ZBTB41: variants seen among roughly 807,000 people sequenced by gnomAD.
ZBTB41 encodes the protein zinc finger and BTB domain-containing protein 41.
Under a neutral mutation model 87.6 loss-of-function variants are expected in ZBTB41, and 42 were observed. That is an observed-to-expected ratio of 0.48 (90% confidence interval 0.37 to 0.62). ZBTB41 has a LOEUF of 0.62. Ranked by LOEUF, ZBTB41 falls within the 20% of genes least tolerant of loss-of-function variation. ZBTB41 has a pLI of 0.00. For missense variants in ZBTB41, 799 were observed against 1,078.9 expected (o/e 0.74, Z 3.63); for synonymous variants, 364 against 364.0 (o/e 1.00, Z 0.00).
chr1:197,177,586 T>TCC (rs1457393153), intron 7 of ZBTB41, among the ~76,000 whole-genome samples: 1 of 152,130 alleles, frequency 6.6e-6, no homozygotes, highest in Non-Finnish European at 1.5e-5. Flanking sequence ...AAATTACATC[T>TCC]TACTGCTTTT....
chr1:197,174,557 C>A (rs1383302148), intron 9 of ZBTB41, among the ~76,000 whole-genome samples: 1 of 152,078 alleles, frequency 6.6e-6, no homozygotes, highest in South Asian at 2.1e-4. Context: ...TAGCAACTAA[C>A]CTCAGTTAAA....
rs1192518471 is a variant in ZBTB41 at position 197,154,085 on chromosome 1, TAC to T, written c.*5272_*5273del. The T allele has an allele frequency of 2.6e-5, 4 of 152,528 alleles. No homozygotes were observed. The highest frequency in any genetic ancestry group is 4.8e-5 in the African/African-American group (2 of 41,428). The allele number at this position is 152,528 out of a possible 1,614,324, so 9.4% of individuals were successfully genotyped here. On this transcript the variant is annotated 3_prime_UTR_variant, in exon 11 of 11. Transcript: ENST00000367405. ...TGGCAGCCACACTCATCAATTGTAA[TAC>T]AGTTTTATCAATAGGGATAAGAAGA...
At chr1:197,194,182 T>TAA (rs1660102371) in intron 2 of ZBTB41, among the ~76,000 whole-genome samples, 1 of 152,028 alleles carries the variant, frequency 6.6e-6, no homozygotes, top group Non-Finnish European at 1.5e-5. Flanking sequence ...TACGCCCAGC[T>TAA]AATTTTTTGT....
At chr1:197,165,364 C>T (rs1234697219) in intron 10 of ZBTB41, among the ~76,000 whole-genome samples, 1 of 151,908 alleles carries the variant, frequency 6.6e-6, no homozygotes, top group African/African-American at 2.4e-5. Context: ...AATGCCAGCA[C>T]TTTGGGAGGC....
At chr1:197,184,458 A>G (rs938133372) in intron 5 of ZBTB41, among the ~76,000 whole-genome samples, 25 of 152,318 alleles carry the variant, frequency 1.6e-4, no homozygotes, top group Non-Finnish European at 3.1e-4. Flanking sequence ...TTTTCACATG[A>G]TAAGATTTCA....
chr1:197,185,442 A>G (rs1227064588), intron 5 of ZBTB41, among the ~76,000 whole-genome samples: 1 of 152,166 alleles, frequency 6.6e-6, no homozygotes, highest in Non-Finnish European at 1.5e-5. Flanking sequence ...ATTAAATACT[A>G]TAGCGCATTC....
At chr1:197,163,378 C>T (rs1418514235) in intron 10 of ZBTB41, among the ~76,000 whole-genome samples, 1 of 151,650 alleles carries the variant, frequency 6.6e-6, no homozygotes, top group Non-Finnish European at 1.5e-5. Flanking sequence ...ACTGGGACAT[C>T]AAAATCAATA....
chr1:197,170,610 ATGGACT>A, intron 10 of ZBTB41, among the ~76,000 whole-genome samples: 1 of 152,242 alleles, frequency 6.6e-6, no homozygotes, highest in Non-Finnish European at 1.5e-5. Context: ...AATCTCAAAA[ATGGACT>A]TGGGAACATG....
Position 197,159,229 on chromosome 1 carries a change from G to T in ZBTB41, c.*130C>A. 1.2e-6 allele frequency: 1 copy of T among 866,540 alleles called. No individual in the cohort carries two copies. Among genetic ancestry groups the T allele is most frequent in the Non-Finnish European group, 1.7e-6 (1 of 571,554 alleles). The allele number at this position is 866,540 out of a possible 1,614,324, so 53.7% of individuals were successfully genotyped here. ...GTAAACAGAGACACATAGTTTTCTT[G>T]ATTTGAAACTGTTCTGAGGACTTGA... On this transcript the variant is annotated 3_prime_UTR_variant, in exon 11 of 11. Transcript: ENST00000367405.
In ZBTB41 at chr1:197,155,564, C is replaced by T. The variant is rs1659045769; in HGVS notation, c.*3795G>A. On this transcript the variant is annotated 3_prime_UTR_variant, in exon 11 of 11. Coordinates refer to ENST00000367405, the MANE Select transcript of ZBTB41 (RefSeq NM_194314.3). ...TGAGAGTGATATGGTAGGAAGAAAA[C>T]TCAAGCTTATAAACATATTAGTTTA... 1 of 152,188 alleles carries T rather than the reference C, an allele frequency of 6.6e-6. No homozygotes were observed. Among genetic ancestry groups the T allele is most frequent in the Admixed American group, 6.6e-5 (1 of 15,232 alleles). 9.4% of individuals were successfully genotyped at this position (152,188 alleles called of 1,614,324 possible).
Position 197,158,802 on chromosome 1 carries a change from C to A in ZBTB41, c.*557G>T, listed in dbSNP as rs900158484. ...TCAAAAGTCCAAAGGATAATGATAA[C>A]CTAAAATTATGTATGAATGGAAAGA... is the stretch of plus-strand genomic sequence containing the variant. On this transcript the variant is annotated 3_prime_UTR_variant, in exon 11 of 11. Coordinates refer to ENST00000367405, the MANE Select transcript of ZBTB41 (RefSeq NM_194314.3). 2 of 152,356 alleles carry A rather than the reference C, an allele frequency of 1.3e-5. No individual in the cohort carries two copies. Among genetic ancestry groups the A allele is most frequent in the African/African-American group, 4.8e-5 (2 of 41,402 alleles). 9.4% of individuals were successfully genotyped at this position (152,356 alleles called of 1,614,324 possible). A position where few individuals can be genotyped will look rare whatever the true frequency, so the allele number is the denominator to read the frequency against.
chr1:197,166,202 AG>A (rs1442998157), intron 10 of ZBTB41, among the ~76,000 whole-genome samples: 1 of 152,202 alleles, frequency 6.6e-6, no homozygotes, highest in Non-Finnish European at 1.5e-5. Context: ...ATAAAAAAAA[AG>A]AAGAAATACA....
chr1:197,189,165 T>C (rs1360005491), intron 4 of ZBTB41, among the ~76,000 whole-genome samples: 1 of 152,146 alleles, frequency 6.6e-6, no homozygotes, highest in African/African-American at 2.4e-5. Context: ...AGAAATTTGC[T>C]GTATATATAA....
rs769770714 is a variant in ZBTB41 at position 197,183,897 on chromosome 1, A to G, written c.1547-2780T>C. Among the ~76,000 whole-genome samples, 103 of 152,310 alleles carry G rather than the reference A, an allele frequency of 6.8e-4. 1 individual carries two copies. The highest frequency in any genetic ancestry group is 1.6e-4 in the Non-Finnish European group (11 of 68,028). ...ACCACTTCTGAAGAATGCCCTCTTC[A>G]CCAGCTCTAACAGTTAGTAAGGTAA... On this transcript the variant is annotated intron_variant, in intron 5 of 10. Transcript: ENST00000367405.
chr1:197,164,147 T>C (rs927505722), intron 10 of ZBTB41, among the ~76,000 whole-genome samples: 10 of 152,134 alleles, frequency 6.6e-5, no homozygotes, highest in Non-Finnish European at 1.2e-4. Flanking sequence ...TATAAGGTAT[T>C]TGCAGTTTCT....
In ZBTB41 at chr1:197,199,628, T is replaced by C. The variant is rs771791996; in HGVS notation, c.846A>G (p.Gln282=). 1.7e-5 allele frequency: 28 copies of C among 1,611,874 alleles called. No homozygotes were observed. In the South Asian group the frequency reaches 2.7e-4, roughly 15 times the overall value. The change falls in exon 2 of 11, where the codon CAA becomes CAG. Residue 282 remains glutamine, a synonymous_variant. Transcript: ENST00000367405. ...ESGDGSDNLN[Q]ENFDKEKSDR... is the part of the protein sequence containing the mutation. ...CTGACTTTTCCTTATCAAAATTTTC[T>C]TGATTCAAATTGTCTGACCCATCAC...
At chr1:197,198,760 C>T (rs1321887119) in intron 2 of ZBTB41, among the ~76,000 whole-genome samples, 1 of 152,066 alleles carries the variant, frequency 6.6e-6, no homozygotes, top group Non-Finnish European at 1.5e-5. Context: ...AGCTTCTTGG[C>T]CTTTTGGCTA....
intron 2 of ZBTB41, among the ~76,000 whole-genome samples, chr1:197,193,735 C>A (rs1368791029): frequency 1.3e-5 from 2 of 152,124 alleles, no homozygotes; most frequent in African/African-American, 4.8e-5. Context: ...GGAATCAGAC[C>A]AAATACTGGG....
At chr1:197,161,998 A>G (rs1354204220) in intron 10 of ZBTB41, among the ~76,000 whole-genome samples, 6 of 152,136 alleles carry the variant, frequency 3.9e-5, no homozygotes, top group East Asian at 3.8e-4. Context: ...AAAAAGTTTT[A>G]TAAGTGCAAC....
Sources: gnomAD v4.1 joint callset for allele counts (sites outside exome capture counted in the v4.1 genomes callset) on GRCh38, gnomAD v4.1.1 for gene constraint, MANE v1.5 for transcripts, NCBI Gene and HGNC (gene_info 2026-07-23, HGNC 2026-07-21) for gene names.